The following HHIPL1 variants were observed in gnomAD, a reference collection of about 807,000 sequenced individuals.
HHIPL1 encodes the protein HHIP like 1.
Under a neutral mutation model 61.8 loss-of-function variants are expected in HHIPL1, and 43 were observed. The observed-to-expected ratio is 0.70, with a 90% CI of 0.55 to 0.90. The LOEUF is 0.90. Among genes scored for constraint, HHIPL1 ranks in the 40% least tolerant of loss-of-function variants. The pLI, the probability that HHIPL1 is intolerant of heterozygous loss-of-function variation, is 0.00. For missense variants in HHIPL1, 1,056 were observed against 1,157.7 expected (o/e 0.91, Z 1.28); for synonymous variants, 482 against 515.8 (o/e 0.93, Z 0.89).
chr14:99,611,040 T>C, the HHIPL1 span, among the ~76,000 whole-genome samples: 3 of 152,224 alleles, frequency 2.0e-5, no homozygotes, highest in Non-Finnish European at 4.4e-5. Flanking sequence ...TTTTCATACA[T>C]TGCCGAATTG....
intron 1 of HHIPL1, among the ~76,000 whole-genome samples, chr14:99,646,168 G>A (rs980960157): frequency 3.9e-5 from 6 of 152,260 alleles, no homozygotes; most frequent in African/African-American, 9.6e-5. Flanking sequence ...TGGTGCCACC[G>A]CTATTTGTTT....
At chr14:99,610,675 C>T in the HHIPL1 span, among the ~76,000 whole-genome samples, 1 of 152,040 alleles carries the variant, frequency 6.6e-6, no homozygotes, top group Non-Finnish European at 1.5e-5. Context: ...GCAGGAGAAT[C>T]GCTTGAACCC....
chr14:99,619,174 G>A, the HHIPL1 span, among the ~76,000 whole-genome samples: 5 of 152,210 alleles, frequency 3.3e-5, no homozygotes, highest in Middle Eastern at 3.4e-3. Flanking sequence ...AGAGTTGGCC[G>A]GGCACGGTGG....
intron 6 of HHIPL1, among the ~76,000 whole-genome samples, chr14:99,665,483 C>T (rs2056228818): frequency 6.6e-6 from 1 of 152,198 alleles, no homozygotes; most frequent in Non-Finnish European, 1.5e-5. Context: ...CTCTGCTATC[C>T]AGGCAGGAAT....
At chr14:99,667,693 C>T (rs555934051) in intron 6 of HHIPL1, among the ~76,000 whole-genome samples, 56 of 152,308 alleles carry the variant, frequency 3.7e-4, no homozygotes, top group African/African-American at 6.7e-4. Flanking sequence ...TCCCGGATGA[C>T]GCCTGCAATC....
chr14:99,661,053 A>C (rs1159649377), intron 5 of HHIPL1, among the ~76,000 whole-genome samples: 1 of 152,156 alleles, frequency 6.6e-6, no homozygotes, highest in African/African-American at 2.4e-5. Context: ...CACATCCCAA[A>C]TAGGTTTGAT....
At chr14:99,631,090 TTCTTTC>T in the HHIPL1 span, among the ~76,000 whole-genome samples, 1 of 143,780 alleles carries the variant, frequency 7.0e-6, no homozygotes, top group Admixed American at 6.9e-5. Context: ...CTTTCTTTCT[TTCTTTC>T]TTTCTTTCTT....
the HHIPL1 span, among the ~76,000 whole-genome samples, chr14:99,635,456 G>GA: frequency 6.6e-6 from 1 of 152,140 alleles, no homozygotes; most frequent in African/African-American, 2.4e-5. Context: ...TCCAGGAAAG[G>GA]AAAGTGACCC....
In HHIPL1 at chr14:99,652,216, C is replaced by A; in HGVS notation, c.256-8C>A. ...CAAAACATCTCTGAGCCATTACTGT[C>A]TCTGCAGGAATGCTCGCCGTATGCA... On this transcript the variant is annotated splice_polypyrimidine_tract_variant and splice_region_variant and intron_variant, in intron 1 of 8. Transcript: ENST00000330710. 6.3e-7 allele frequency: 1 copy of A among 1,580,952 alleles called. No individual in the cohort carries two copies. The highest frequency in any genetic ancestry group is 8.6e-7 in the Non-Finnish European group (1 of 1,161,930).
chr14:99,637,148 CAGAAAGAA>C, the HHIPL1 span, among the ~76,000 whole-genome samples: 3 of 87,972 alleles, frequency 3.4e-5, no homozygotes, highest in African/African-American at 1.3e-4. Context: ...GAAAGGGAGG[CAGAAAGAA>C]AGAAAGAAAG....
At chr14:99,650,441 G>A (rs948715480) in intron 1 of HHIPL1, among the ~76,000 whole-genome samples, 10 of 152,224 alleles carry the variant, frequency 6.6e-5, no homozygotes, top group African/African-American at 1.2e-4. Context: ...GAATGACCAC[G>A]CCACAGGCCG....
chr14:99,615,682 GGAAAGAAAGAAAGA>G, the HHIPL1 span, among the ~76,000 whole-genome samples: 9 of 145,342 alleles, frequency 6.2e-5, no homozygotes, highest in Non-Finnish European at 1.1e-4. Context: ...AAAGAAGGAA[GGAAAGAAAGAAAGA>G]GAAAGAAAGA....
chr14:99,643,695 C>T (rs2055783166), upstream of HHIPL1, among the ~76,000 whole-genome samples: 1 of 152,248 alleles, frequency 6.6e-6, no homozygotes, highest in Admixed American at 6.5e-5. Flanking sequence ...CCGTTGCAGG[C>T]CGCATTTCCC....
At chr14:99,626,798 G>A in the HHIPL1 span, among the ~76,000 whole-genome samples, 2 of 152,206 alleles carry the variant, frequency 1.3e-5, no homozygotes, top group Admixed American at 1.3e-4. Flanking sequence ...CAGGTCTTCT[G>A]AAAGCTGGGC....
At chr14:99,607,021 CTTTTTTTTTTT>C in the HHIPL1 span, among the ~76,000 whole-genome samples, 4 of 68,404 alleles carry the variant, frequency 5.8e-5, no homozygotes, top group Admixed American at 2.5e-4. Flanking sequence ...GTGACTTTGC[CTTTTTTTTTTT>C]TTTTTTTTTT....
the HHIPL1 span, among the ~76,000 whole-genome samples, chr14:99,610,652 T>G: frequency 1.3e-5 from 2 of 152,026 alleles, no homozygotes; most frequent in Non-Finnish European, 2.9e-5. Context: ...TCCTAGCTAT[T>G]CAGGAGGCTG....
intron 1 of HHIPL1, among the ~76,000 whole-genome samples, chr14:99,646,952 G>A (rs1014098388): frequency 4.6e-5 from 7 of 152,066 alleles, no homozygotes; most frequent in African/African-American, 1.7e-4. Flanking sequence ...CTAGGGGCTC[G>A]GTAAGTGTTT....
At chr14:99,658,655 G>A (rs1011530432) in intron 3 of HHIPL1, among the ~76,000 whole-genome samples, 5 of 152,144 alleles carry the variant, frequency 3.3e-5, no homozygotes, top group Non-Finnish European at 5.9e-5. Context: ...TCTCCGCACT[G>A]TCTTTAAGCA....
chr14:99,647,739 A>G (rs9788495), intron 1 of HHIPL1, among the ~76,000 whole-genome samples: 109,274 of 152,036 alleles, frequency 0.72, 39,807 homozygotes, highest in Admixed American at 0.81. Flanking sequence ...TGATTTCCAC[A>G]CGGGGAGGTG....
Sources: allele counts gnomAD v4.1 joint callset (sites outside exome capture counted in the v4.1 genomes callset), GRCh38; gene constraint gnomAD v4.1.1; transcripts MANE v1.5; gene names NCBI Gene and HGNC (gene_info 2026-07-23, HGNC 2026-07-21).